N4BP1: variants seen among roughly 807,000 people sequenced by gnomAD.
N4BP1 encodes the protein NEDD4 binding protein 1.
In N4BP1, 21 loss-of-function variants were observed where a neutral mutation model predicts 70.9. That is an observed-to-expected ratio of 0.30 (90% CI 0.21 to 0.43). The LOEUF is 0.43. Ranked by LOEUF, N4BP1 falls within the 20% of genes least tolerant of loss-of-function variation. The pLI, the probability that N4BP1 is intolerant of heterozygous loss-of-function variation, is 1.00. For missense variants in N4BP1, 936 were observed against 1,069.4 expected, an observed-to-expected ratio of 0.88 and a Z score of 1.74; for synonymous variants, 387 against 394.6, an observed-to-expected ratio of 0.98 and a Z score of 0.23.
At chr16:48,551,523 T>G in intron 3 of N4BP1, 41 bp from the exon 4 acceptor site, 1 of 1,381,746 alleles carries the variant, frequency 7.2e-7, no homozygotes, top group Non-Finnish European at 1.0e-6. Flanking sequence ...AGAAAAGGGC[T>G]ATCTTCCCAA....
intron 1 of N4BP1, among the ~76,000 whole-genome samples, chr16:48,604,582 CA>C (rs796232892): frequency 2.7e-5 from 3 of 109,594 alleles, no homozygotes; most frequent in Admixed American, 2.7e-4. Context: ...AACAAACAAA[CA>C]AAAAAAAACA....
intron 1 of N4BP1, among the ~76,000 whole-genome samples, chr16:48,577,060 G>T (rs959328926): frequency 3.3e-5 from 5 of 152,146 alleles, no homozygotes; most frequent in African/African-American, 1.2e-4. Context: ...CACTAGGCCT[G>T]GCTTCACACT....
chr16:48,585,247 T>C (rs1964227627), intron 1 of N4BP1, among the ~76,000 whole-genome samples: 1 of 152,146 alleles, frequency 6.6e-6, no homozygotes, highest in Non-Finnish European at 1.5e-5. Flanking sequence ...CATTTTTTTT[T>C]TAAATGTTTT....
rs1221326765 is a variant in N4BP1 at position 48,539,568 on chromosome 16, T to G, written c.*3336A>C. 5 of 152,252 alleles carry G rather than the reference T, an allele frequency of 3.3e-5. No homozygotes were observed. Among genetic ancestry groups the G allele is most frequent in the South Asian group, 2.1e-4 (1 of 4,818 alleles). 9.4% of individuals were successfully genotyped at this position (152,252 alleles called of 1,614,324 possible). ...GTGACTGCAGTTTCTCAACATGTGG[T>G]CCGTGGATCACCTGCATGGGAACTG... On this transcript the variant is annotated 3_prime_UTR_variant, in exon 7 of 7. Transcript: ENST00000262384.
chr16:48,593,591 A>G (rs1309222307), intron 1 of N4BP1, among the ~76,000 whole-genome samples: 1 of 152,238 alleles, frequency 6.6e-6, no homozygotes, highest in Non-Finnish European at 1.5e-5. Flanking sequence ...AGTGCAACAG[A>G]GTTTTCCTAA....
intron 2 of N4BP1, among the ~76,000 whole-genome samples, chr16:48,555,584 C>T (rs921007422): frequency 3.3e-5 from 5 of 152,118 alleles, no homozygotes; most frequent in South Asian, 2.1e-4. Context: ...TTCAGGAGTG[C>T]TTTGTTTATC....
chr16:48,591,389 A>C (rs1487370693), intron 1 of N4BP1, among the ~76,000 whole-genome samples: 3 of 152,048 alleles, frequency 2.0e-5, no homozygotes, highest in Non-Finnish European at 4.4e-5. Flanking sequence ...TTGTAAAAAG[A>C]AGCTGCTTAC....
chr16:48,589,437 G>A (rs912530453), intron 1 of N4BP1, among the ~76,000 whole-genome samples: 4 of 152,152 alleles, frequency 2.6e-5, no homozygotes, highest in African/African-American at 9.7e-5. Context: ...CAAATGGACT[G>A]GCTTTGGAGA....
At chr16:48,543,340 G>T in intron 6 of N4BP1, 79 bp from the exon 7 acceptor site, 1 of 1,213,884 alleles carries the variant, frequency 8.2e-7, no homozygotes, top group Non-Finnish European at 1.1e-6. Flanking sequence ...AGGTACCTGC[G>T]GCAGGCCTTG....
At chr16:48,576,385 A>G (rs1380468078) in intron 1 of N4BP1, among the ~76,000 whole-genome samples, 1 of 152,156 alleles carries the variant, frequency 6.6e-6, no homozygotes, top group African/African-American at 2.4e-5. Flanking sequence ...AAGGGTGCTT[A>G]TCTGCCCCAT....
intron 1 of N4BP1, among the ~76,000 whole-genome samples, chr16:48,592,227 C>A (rs987511976): frequency 2.0e-5 from 3 of 152,142 alleles, no homozygotes; most frequent in African/African-American, 7.2e-5. Flanking sequence ...AGATTCCATC[C>A]CCCCAGAACA....
rs113660925 is a variant in N4BP1 at position 48,580,752 on chromosome 16, C to A, written c.199-18308G>T. Among the ~76,000 whole-genome samples, 1,237 of 152,172 alleles carry A rather than the reference C, an allele frequency of 8.1e-3. 12 individuals are homozygous for A. Among genetic ancestry groups the A allele is most frequent in the African/African-American group, 0.027 (1,142 of 41,528 alleles). ...TTCAACCAACCACAGATTGAAAATA[C>A]TCAGAAAAAAAATTACATTTGTCCT... On this transcript the variant is annotated intron_variant, in intron 1 of 6. Transcript: ENST00000262384.
chr16:48,605,493 G>C (rs1377298129), intron 1 of N4BP1, among the ~76,000 whole-genome samples: 1 of 152,110 alleles, frequency 6.6e-6, no homozygotes, highest in Non-Finnish European at 1.5e-5. Flanking sequence ...TTTTGTCTCT[G>C]AAATTCAATC....
intron 6 of N4BP1, among the ~76,000 whole-genome samples, chr16:48,544,069 C>T (rs190642041): frequency 6.6e-6 from 1 of 152,294 alleles, no homozygotes; most frequent in East Asian, 1.9e-4. Context: ...AGGCCTCGGG[C>T]CTGAAGCCCA....
At chr16:48,585,313 T>C (rs1254292457) in intron 1 of N4BP1, among the ~76,000 whole-genome samples, 3 of 152,022 alleles carry the variant, frequency 2.0e-5, no homozygotes, top group African/African-American at 7.3e-5. Context: ...GGTAAGCTAA[T>C]ATTACTCATA....
In N4BP1 at chr16:48,540,772, T is replaced by G. The variant is rs1963486251; in HGVS notation, c.*2132A>C. 1 of 152,220 alleles carries G rather than the reference T, an allele frequency of 6.6e-6. No homozygotes were observed. Among genetic ancestry groups the G allele is most frequent in the Non-Finnish European group, 1.5e-5 (1 of 68,070 alleles). The allele number at this position is 152,220 out of a possible 1,614,324, so 9.4% of individuals were successfully genotyped here. The stretch of plus-strand genomic sequence containing the variant: ...GAGGTAGACAGGCTACAGATACTTA[T>G]GCAGCAGCCACACTGAGGCTAGTAC... On this transcript the variant is annotated 3_prime_UTR_variant, in exon 7 of 7. Transcript: ENST00000262384.
In N4BP1 at chr16:48,561,972, T is replaced by C. The variant is rs1176562911; in HGVS notation, c.671A>G (p.Asn224Ser). 3 of 1,613,976 alleles carry C rather than the reference T, an allele frequency of 1.9e-6. No individual in the cohort carries two copies. The highest frequency in any genetic ancestry group is 1.7e-5 in the Admixed American group (1 of 60,008). Reference protein sequence around the residue: ...EFTQNAATGLNISRDETVLQE... With the variant: ...EFTQNAATGLSISRDETVLQE... ...CAAAACAGTTTCATCTCTAGAAATATTCAGCCCTGTGGCAGCATTCTGTGT... is the reference window on the plus strand; with the variant it reads ...CAAAACAGTTTCATCTCTAGAAATACTCAGCCCTGTGGCAGCATTCTGTGT... The change falls in exon 2 of 7, where the codon AAT (asparagine) becomes AGT (serine). Residue 224 changes from asparagine to serine, a missense_variant. Asn to Ser is a conservative substitution (Grantham distance 46). Around this residue, in one of 4 missense-constraint regions of N4BP1, gnomAD observed 515 missense variants for 491.7 expected, o/e 1.05. Coordinates refer to ENST00000262384, the MANE Select transcript of N4BP1 (RefSeq NM_153029.4).
chr16:48,570,738 C>T (rs181400236), intron 1 of N4BP1, among the ~76,000 whole-genome samples: 4 of 152,242 alleles, frequency 2.6e-5, no homozygotes, highest in East Asian at 1.9e-4. Context: ...GCATTCTGCC[C>T]GGGTTTTACT....
intron 1 of N4BP1, among the ~76,000 whole-genome samples, chr16:48,609,391 C>G (rs1390863774): frequency 6.6e-6 from 1 of 152,168 alleles, no homozygotes; most frequent in Admixed American, 6.5e-5. Context: ...GTGGACGAGG[C>G]TGCGGGCCCA....
Sources: gnomAD v4.1 joint callset for allele counts (sites outside exome capture counted in the v4.1 genomes callset) on GRCh38, gnomAD v4.1.1 for gene constraint, gnomAD v4.1.1 regional missense constraint, MANE v1.5 for transcripts, NCBI Gene and HGNC (gene_info 2026-07-23, HGNC 2026-07-21) for gene names.